Variants in SRD5A2 observed in about 807,000 individuals in gnomAD.
SRD5A2 encodes steroid 5 alpha-reductase 2.
SRD5A2 carries 30 observed loss-of-function variants against 27.4 expected under a neutral mutation model. The observed-to-expected ratio is 1.10, with a 90% CI of 0.82 to 1.49. SRD5A2 has a LOEUF of 1.49. SRD5A2 is among the 40% of genes most tolerant of loss of function. SRD5A2 has a pLI of 0.00. For synonymous variants in SRD5A2, 141 were observed against 133.6 expected (o/e 1.06, Z -0.38); for missense variants, 348 against 323.4 (o/e 1.08, Z -0.58).
At chr2:31,584,504 A>G (rs1031252027), upstream of SRD5A2, among the ~76,000 whole-genome samples, 4 of 152,196 alleles carry the variant, frequency 2.6e-5, no homozygotes, top group East Asian at 7.7e-4. Context: ...GGTCCTCCAT[A>G]ACACTGTCCT....
chr2:31,610,978 G>A, the SRD5A2 span, among the ~76,000 whole-genome samples: 29 of 152,038 alleles, frequency 1.9e-4, no homozygotes, highest in East Asian at 4.7e-3. Context: ...GCCTGGTGGC[G>A]AGCACCTGTA....
the SRD5A2 span, among the ~76,000 whole-genome samples, chr2:31,627,997 T>C: frequency 1.3e-5 from 2 of 152,164 alleles, no homozygotes; most frequent in East Asian, 3.8e-4. Context: ...TTGCATTTGG[T>C]CAAGTGTTGA....
In SRD5A2 at chr2:31,525,958, G is replaced by A. The variant is rs1183784097; in HGVS notation, c.*238C>T. 2.5e-5 allele frequency: 10 copies of A among 392,992 alleles called. No individual in the cohort carries two copies. The highest frequency in any genetic ancestry group is 7.3e-5 in the South Asian group (1 of 13,710). 24.3% of individuals were successfully genotyped at this position (392,992 alleles called of 1,614,324 possible). On this transcript the variant is annotated 3_prime_UTR_variant, in exon 5 of 5. Coordinates refer to ENST00000622030, the MANE Select transcript of SRD5A2 (RefSeq NM_000348.4). ...GAGCAATAGCTAAGAAGCAACTGTC[G>A]CCATTTGGAAAAGTGGCTTTTTGAA...
chr2:31,659,864 A>G, the SRD5A2 span, among the ~76,000 whole-genome samples: 1 of 152,092 alleles, frequency 6.6e-6, no homozygotes, highest in South Asian at 2.1e-4. Flanking sequence ...AATTCCTTTT[A>G]CCCATATAGT....
the SRD5A2 span, among the ~76,000 whole-genome samples, chr2:31,609,440 G>A: frequency 1.3e-5 from 2 of 152,064 alleles, 1 homozygote; most frequent in South Asian, 4.1e-4. Context: ...AATAGAATTA[G>A]GAGTCCAAAA....
chr2:31,595,278 A>G, the SRD5A2 span, among the ~76,000 whole-genome samples: 1 of 152,178 alleles, frequency 6.6e-6, no homozygotes, highest in Non-Finnish European at 1.5e-5. Context: ...TGATTCTTTG[A>G]AAAGATAAAC....
At chr2:31,658,459 G>A in the SRD5A2 span, among the ~76,000 whole-genome samples, 6 of 151,474 alleles carry the variant, frequency 4.0e-5, no homozygotes, top group East Asian at 5.8e-4. Flanking sequence ...AATATTGATC[G>A]ACCACTAGCT....
intron 1 of SRD5A2, among the ~76,000 whole-genome samples, chr2:31,569,840 T>A (rs1027035975): frequency 2.6e-5 from 4 of 152,070 alleles, no homozygotes; most frequent in African/African-American, 9.7e-5. Flanking sequence ...TAGGCAAAAA[T>A]TTTTTAGATA....
At chr2:31,565,389 A>G (rs1446758085) in intron 1 of SRD5A2, among the ~76,000 whole-genome samples, 4 of 152,088 alleles carry the variant, frequency 2.6e-5, no homozygotes, top group Middle Eastern at 3.4e-3. Context: ...GTTAAAAATC[A>G]GAGATTGTCA....
At chr2:31,568,658 G>C (rs556788954) in intron 1 of SRD5A2, among the ~76,000 whole-genome samples, 2 of 152,298 alleles carry the variant, frequency 1.3e-5, no homozygotes, top group South Asian at 2.1e-4. Flanking sequence ...CTTGAAGGTG[G>C]GGTTTCACCC....
chr2:31,572,629 G>C (rs745579670), intron 1 of SRD5A2, among the ~76,000 whole-genome samples: 2 of 152,104 alleles, frequency 1.3e-5, no homozygotes, highest in African/African-American at 2.4e-5. Context: ...ACTTAGATTT[G>C]TTTATCACAT....
rs763054985 is a variant in SRD5A2, at chr2:31,529,369, T to C, written c.636A>G (p.Pro212=). 2 of 1,613,978 alleles carry C rather than the reference T, an allele frequency of 1.2e-6. No homozygotes were observed. The highest frequency in any genetic ancestry group is 1.7e-5 in the Admixed American group (1 of 60,012). Residue 212 remains proline (P), a synonymous_variant, in exon 4 of 5, where the codon CCA becomes CCG. Coordinates refer to ENST00000622030, the MANE Select transcript of SRD5A2 (RefSeq NM_000348.4). ...IGYALATWSL[P]ALAFAFFSLC... The stretch of plus-strand genomic sequence containing the variant: ...GTGAGAAAAATGCAAATGCAAGTGC[T>C]GGGAGGGACCAAGTGGCCAGGGCAT...
chr2:31,536,909 T>C (rs1666038753), intron 1 of SRD5A2, among the ~76,000 whole-genome samples: 2 of 152,352 alleles, frequency 1.3e-5, no homozygotes, highest in East Asian at 3.9e-4. Context: ...CATTCTTTTA[T>C]GTTTGTTCTT....
rs1665905756 is a variant in SRD5A2 at position 31,531,461 on chromosome 2, A to G, written c.457T>C (p.Phe153Leu). Residue 153 changes from phenylalanine (F) to leucine (L), a missense_variant, in exon 3 of 5, where the codon TTT (phenylalanine) becomes CTT (leucine). Physicochemically the swap from Phe to Leu is conservative, Grantham distance 22 (BLOSUM62 0). Transcript: ENST00000622030. ...ATGTTTATTCCCATTCCCAAAATAA[A>G]TAAGAAGACACCTTGACAAAGAAGA... is the stretch of plus-strand genomic sequence containing the variant. ...DIRFSLGVFLFILGMGINIHS... is the reference protein window; with the variant it reads ...DIRFSLGVFLLILGMGINIHS... The G allele has an allele frequency of 1.9e-6, 3 of 1,594,572 alleles. No individual in the cohort carries two copies. The highest frequency in any genetic ancestry group is 2.7e-5 in the African/African-American group (2 of 74,822).
the SRD5A2 span, among the ~76,000 whole-genome samples, chr2:31,619,122 A>C: frequency 6.6e-6 from 1 of 152,180 alleles, no homozygotes; most frequent in African/African-American, 2.4e-5. Flanking sequence ...AAACCACTTA[A>C]CACTTCTCAG....
intron 1 of SRD5A2, among the ~76,000 whole-genome samples, chr2:31,557,300 T>C (rs1045324797): frequency 1.3e-5 from 2 of 152,252 alleles, no homozygotes; most frequent in Non-Finnish European, 2.9e-5. Context: ...CCCCAGATGA[T>C]TTTAATGTGC....
At chr2:31,534,626 A>G (rs772486371) in intron 1 of SRD5A2, among the ~76,000 whole-genome samples, 4 of 152,184 alleles carry the variant, frequency 2.6e-5, no homozygotes, top group Non-Finnish European at 5.9e-5. Context: ...ATGCACACAC[A>G]CATGTACAAA....
chr2:31,572,952 T>C (rs1206409291), intron 1 of SRD5A2, among the ~76,000 whole-genome samples: 1 of 152,150 alleles, frequency 6.6e-6, no homozygotes, highest in African/African-American at 2.4e-5. Context: ...TAGGACTGGA[T>C]AATATGGCAT....
At chr2:31,660,948 G>T in the SRD5A2 span, among the ~76,000 whole-genome samples, 2 of 151,974 alleles carry the variant, frequency 1.3e-5, no homozygotes, top group Non-Finnish European at 2.9e-5. Flanking sequence ...CCAAAAGAAG[G>T]GTTCCATTAA....
Sources: allele counts gnomAD v4.1 joint callset (sites outside exome capture counted in the v4.1 genomes callset), GRCh38; gene constraint gnomAD v4.1.1; transcripts MANE v1.5; gene names NCBI Gene and HGNC (gene_info 2026-07-23, HGNC 2026-07-21).